ZNF804A: variants seen among roughly 807,000 people sequenced by gnomAD.
ZNF804A encodes the protein zinc finger protein 804A.
A neutral mutation model predicts 16.5 loss-of-function variants in ZNF804A; 2 were observed. That is an observed-to-expected ratio of 0.12 (90% CI 0.05 to 0.38). ZNF804A has a LOEUF of 0.38. Ranked by LOEUF, ZNF804A falls within the 10% of genes least tolerant of loss-of-function variation. ZNF804A has a pLI of 0.99. For synonymous variants in ZNF804A, 534 were observed against 489.6 expected, an observed-to-expected ratio of 1.09 and a Z score of -1.20; for missense variants, 1,473 against 1,390.7, an observed-to-expected ratio of 1.06 and a Z score of -0.94.
At chr2:184,634,509 TG>T (rs1304924494) in intron 1 of ZNF804A, among the ~76,000 whole-genome samples, 7 of 151,484 alleles carry the variant, frequency 4.6e-5, no homozygotes, top group African/African-American at 1.7e-4. Flanking sequence ...AGTAGAGTCA[TG>T]GGCAGAGAAG....
At chr2:184,711,115 C>G (rs1032569659) in intron 1 of ZNF804A, among the ~76,000 whole-genome samples, 2 of 151,664 alleles carry the variant, frequency 1.3e-5, no homozygotes, top group South Asian at 4.1e-4. Flanking sequence ...TTTTACATTC[C>G]CACCAGCAGT....
intron 2 of ZNF804A, among the ~76,000 whole-genome samples, chr2:184,911,966 T>C (rs1057002173): frequency 6.6e-6 from 1 of 152,000 alleles, no homozygotes; most frequent in African/African-American, 2.4e-5. Context: ...AATTGAGATT[T>C]ATTTAGAAAA....
chr2:184,892,505 T>A (rs528712005), intron 2 of ZNF804A, among the ~76,000 whole-genome samples: 9 of 145,106 alleles, frequency 6.2e-5, no homozygotes, highest in South Asian at 2.2e-4. Context: ...TTTTTTTTTT[T>A]ATGGAGTCTT....
chr2:184,654,382 C>CA (rs1191918566), intron 1 of ZNF804A, among the ~76,000 whole-genome samples: 9 of 151,308 alleles, frequency 5.9e-5, no homozygotes, highest in African/African-American at 2.2e-4. Context: ...GAAATAAGGG[C>CA]AAAAAAAATT....
chr2:184,928,223 C>T (rs1685639231), intron 2 of ZNF804A, among the ~76,000 whole-genome samples: 1 of 152,144 alleles, frequency 6.6e-6, no homozygotes, highest in Non-Finnish European at 1.5e-5. Context: ...AGGTCCTTCC[C>T]TTCAAGACAG....
rs186991657 is a variant in ZNF804A, at chr2:184,843,424, G to A, written c.112-22945G>A. ...ACTACAGGCACCTGCCACCATGCCC[G>A]GCTAATTTTTTTTTTGTGTGTGTGT... On this transcript the variant is annotated intron_variant, in intron 1 of 3. Transcript: ENST00000302277. 2.5e-3 allele frequency among the ~76,000 whole-genome samples: 373 copies of A among 151,870 alleles called. 8 individuals are homozygous for A. In the East Asian group the frequency reaches 0.037, roughly 15 times the overall value.
intron 1 of ZNF804A, among the ~76,000 whole-genome samples, chr2:184,604,500 G>C (rs1691110306): frequency 6.6e-6 from 1 of 152,032 alleles, no homozygotes; most frequent in South Asian, 2.1e-4. Flanking sequence ...ACAGATCAGC[G>C]AGAATTTCAG....
chr2:184,807,531 T>A (rs979227478), intron 1 of ZNF804A, among the ~76,000 whole-genome samples: 2 of 151,844 alleles, frequency 1.3e-5, no homozygotes, highest in African/African-American at 4.8e-5. Flanking sequence ...AGATTCTTTT[T>A]TTGTCTTCAA....
intron 1 of ZNF804A, among the ~76,000 whole-genome samples, chr2:184,647,817 G>A (rs556517541): frequency 2.6e-5 from 4 of 152,330 alleles, no homozygotes; most frequent in Admixed American, 2.0e-4. Context: ...ACATATGTGA[G>A]TTAATAATTC....
At chr2:184,714,773 C>G (rs751154973) in intron 1 of ZNF804A, among the ~76,000 whole-genome samples, 4 of 152,098 alleles carry the variant, frequency 2.6e-5, no homozygotes, top group Non-Finnish European at 5.9e-5. Context: ...CATATACCAA[C>G]ATGTACACAA....
chr2:184,648,687 G>A (rs1691926085), intron 1 of ZNF804A, among the ~76,000 whole-genome samples: 1 of 152,016 alleles, frequency 6.6e-6, no homozygotes, highest in Admixed American at 6.6e-5. Context: ...GTCAAAAAAG[G>A]TGAAGGGCAC....
chr2:184,810,415 C>G lies in ZNF804A; in HGVS notation c.112-55954C>G, dbSNP rs151153077. On this transcript the variant is annotated intron_variant, in intron 1 of 3. Transcript: ENST00000302277. ...GTACTTATTTTTTTAGATTTACCCT[C>G]AATTTGAGAGTCATAGTTGATTTTT... is the stretch of plus-strand genomic sequence containing the variant. Among the ~76,000 whole-genome samples, 380 of 150,512 alleles carry G rather than the reference C, an allele frequency of 2.5e-3. 1 individual carries two copies. The highest frequency in any genetic ancestry group is 6.9e-3 in the Middle Eastern group (2 of 288).
intron 1 of ZNF804A, among the ~76,000 whole-genome samples, chr2:184,842,410 T>A (rs1695451729): frequency 1.3e-5 from 2 of 152,296 alleles, no homozygotes; most frequent in South Asian, 2.1e-4. Context: ...ATGCTTGCTT[T>A]TTGAGAAAAT....
chr2:184,639,725 G>A (rs376444894), intron 1 of ZNF804A, among the ~76,000 whole-genome samples: 4 of 152,012 alleles, frequency 2.6e-5, no homozygotes, highest in Non-Finnish European at 4.4e-5. Context: ...ATCAAGGGCC[G>A]GGCGCGGTGG....
intron 1 of ZNF804A, among the ~76,000 whole-genome samples, chr2:184,798,004 A>ATGTG (rs1443753151): frequency 5.7e-5 from 7 of 123,342 alleles, no homozygotes; most frequent in African/African-American, 2.3e-4. Flanking sequence ...CATGGCTGAT[A>ATGTG]TATGTGTGTG....
chr2:184,762,141 A>T (rs1694044775), intron 1 of ZNF804A, among the ~76,000 whole-genome samples: 1 of 149,574 alleles, frequency 6.7e-6, no homozygotes, highest in Non-Finnish European at 1.5e-5. Context: ...CTGCTTTCTT[A>T]CTATTTAAAT....
At chr2:184,629,175 T>G (rs1691562381) in intron 1 of ZNF804A, among the ~76,000 whole-genome samples, 1 of 152,188 alleles carries the variant, frequency 6.6e-6, no homozygotes, top group South Asian at 2.1e-4. Flanking sequence ...TATATTCCTT[T>G]GTTGATTTTA....
At chr2:184,829,494 A>G (rs1695224148) in intron 1 of ZNF804A, among the ~76,000 whole-genome samples, 1 of 151,968 alleles carries the variant, frequency 6.6e-6, no homozygotes. Context: ...TTTCAGGACA[A>G]TACCTTACAA....
At chr2:184,770,973 G>C (rs994166805) in intron 1 of ZNF804A, among the ~76,000 whole-genome samples, 1 of 151,966 alleles carries the variant, frequency 6.6e-6, no homozygotes, top group African/African-American at 2.4e-5. Context: ...AGAATATTCA[G>C]AGCAACATAA....
Sources: gnomAD v4.1 joint callset for allele counts (sites outside exome capture counted in the v4.1 genomes callset) on GRCh38, gnomAD v4.1.1 for gene constraint, MANE v1.5 for transcripts, NCBI Gene and HGNC (gene_info 2026-07-23, HGNC 2026-07-21) for gene names.